Variants in SHISA6 observed in about 807,000 individuals in gnomAD.
SHISA6 encodes the protein shisa family member 6, also known as protein shisa-6.
SHISA6 carries 22 observed loss-of-function variants against 47.9 expected under a neutral mutation model. The ratio of observed to expected loss-of-function variants is 0.46; its 90% CI spans 0.33 to 0.66. SHISA6 has a LOEUF of 0.66. Ranked by LOEUF, SHISA6 falls within the 30% of genes least tolerant of loss-of-function variation. The pLI is 0.02. For synonymous variants in SHISA6, 388 were observed against 337.8 expected (o/e 1.15, Z -1.63); for missense variants, 680 against 764.6 (o/e 0.89, Z 1.30).
intron 3 of SHISA6, among the ~76,000 whole-genome samples, chr17:11,470,152 G>A (rs540936835): frequency 2.1e-3 from 322 of 152,280 alleles, no homozygotes; most frequent in African/African-American, 7.3e-3. Flanking sequence ...AGAACCGTGG[G>A]GGAATAAATA....
chr17:11,541,913 T>C (rs373690514), intron 3 of SHISA6, among the ~76,000 whole-genome samples: 16 of 152,138 alleles, frequency 1.1e-4, no homozygotes, highest in Non-Finnish European at 1.6e-4. Flanking sequence ...AGTAAGAAGG[T>C]TGGCAAATCC....
intron 2 of SHISA6, among the ~76,000 whole-genome samples, chr17:11,271,642 C>G (rs976592553): frequency 1.8e-5 from 2 of 112,290 alleles, no homozygotes; most frequent in African/African-American, 7.5e-5. Flanking sequence ...GTATTTTTAG[C>G]AGAGACGGGG....
chr17:11,319,294 G>T (rs1385621452), intron 2 of SHISA6, among the ~76,000 whole-genome samples: 1 of 152,106 alleles, frequency 6.6e-6, no homozygotes, highest in Non-Finnish European at 1.5e-5. Flanking sequence ...GGCCAGGCTA[G>T]TCTCGAACTC....
At chr17:11,243,156 T>C (rs73293703) in intron 1 of SHISA6, among the ~76,000 whole-genome samples, 2,701 of 151,666 alleles carry the variant, frequency 0.018, 73 homozygotes, top group African/African-American at 0.062. Flanking sequence ...CACTGACCCA[T>C]TCACCTTGAG....
intron 2 of SHISA6, among the ~76,000 whole-genome samples, chr17:11,277,867 A>G (rs754968106): frequency 9.2e-5 from 14 of 152,130 alleles, no homozygotes; most frequent in Non-Finnish European, 2.1e-4. Context: ...AGAAGATCAT[A>G]CCTCGTTTCT....
chr17:11,281,367 A>G (rs1909115520), intron 2 of SHISA6, among the ~76,000 whole-genome samples: 1 of 152,152 alleles, frequency 6.6e-6, no homozygotes, highest in South Asian at 2.1e-4. Context: ...AGGAGTGGAT[A>G]TTGGATTGGG....
intron 3 of SHISA6, among the ~76,000 whole-genome samples, chr17:11,491,999 GACC>G (rs974109612): frequency 7.2e-5 from 11 of 152,220 alleles, no homozygotes; most frequent in Middle Eastern, 3.4e-3. Flanking sequence ...TCGATCTCTT[GACC>G]TCATGATCCA....
chr17:11,536,178 C>T (rs781321096), intron 3 of SHISA6, among the ~76,000 whole-genome samples: 5 of 152,114 alleles, frequency 3.3e-5, no homozygotes, highest in Non-Finnish European at 7.3e-5. Flanking sequence ...AAGTTAAACA[C>T]AGACCTAGAT....
rs118039827 is a variant in SHISA6, at chr17:11,472,195, T to C, written c.896-79701T>C. On this transcript the variant is annotated intron_variant, in intron 3 of 5. Coordinates refer to ENST00000441885, the MANE Select transcript of SHISA6 (RefSeq NM_207386.4). The stretch of plus-strand genomic sequence containing the variant: ...TTGGAATCATATCAGTATGCAGTCT[T>C]TTCAGATTGTCTTCTTTTACTTGGT... Among the ~76,000 whole-genome samples, 445 of 152,276 alleles carry C rather than the reference T, an allele frequency of 2.9e-3. 1 individual carries two copies. Among genetic ancestry groups the C allele is most frequent in the Non-Finnish European group, 4.2e-3 (283 of 68,036 alleles).
At chr17:11,450,993 AT>A (rs1354232098) in intron 3 of SHISA6, among the ~76,000 whole-genome samples, 1 of 139,678 alleles carries the variant, frequency 7.2e-6, no homozygotes, top group African/African-American at 2.9e-5. Flanking sequence ...AAAATAGAAA[AT>A]TAAAAAAAAA....
chr17:11,458,985 C>G (rs1318835926), intron 3 of SHISA6, among the ~76,000 whole-genome samples: 1 of 151,954 alleles, frequency 6.6e-6, no homozygotes, highest in African/African-American at 2.4e-5. Flanking sequence ...GCAGGCGGAT[C>G]ATGAGGTCAG....
intron 3 of SHISA6, among the ~76,000 whole-genome samples, chr17:11,519,766 A>G (rs1427744159): frequency 6.6e-6 from 1 of 152,162 alleles, no homozygotes; most frequent in Non-Finnish European, 1.5e-5. Context: ...CCCCCACGCC[A>G]ACAAGCCTGC....
intron 2 of SHISA6, among the ~76,000 whole-genome samples, chr17:11,369,897 T>C (rs551330444): frequency 4.6e-5 from 7 of 152,280 alleles, no homozygotes; most frequent in African/African-American, 1.7e-4. Flanking sequence ...TTGCGTTGTT[T>C]TCTCAGACTG....
At chr17:11,359,141 A>G (rs1912180152) in intron 2 of SHISA6, among the ~76,000 whole-genome samples, 2 of 152,102 alleles carry the variant, frequency 1.3e-5, no homozygotes, top group Admixed American at 6.5e-5. Flanking sequence ...GCTTCTAAAA[A>G]TTTTTGTGAA....
chr17:11,480,645 C>T (rs559340722), intron 3 of SHISA6, among the ~76,000 whole-genome samples: 1 of 152,122 alleles, frequency 6.6e-6, no homozygotes, highest in East Asian at 1.9e-4. Context: ...CACATTGATA[C>T]CTACAAGACA....
rs1018370633 is a variant in SHISA6 at position 11,492,127 on chromosome 17, G to A, written c.896-59769G>A. Among the ~76,000 whole-genome samples the A allele has an allele frequency of 3.9e-5, 6 of 152,224 alleles. No individual in the cohort carries two copies. The South Asian group carries it at 6.2e-4, about 16-fold the overall frequency. On this transcript the variant is annotated intron_variant, in intron 3 of 5. Transcript: ENST00000441885. ...GTGAGCAGAGTCTTGGGTGGAATGC[G>A]GTGGGGGAGGAGTCTCCTGTTGGAT...
chr17:11,480,030 T>C (rs894217083), intron 3 of SHISA6, among the ~76,000 whole-genome samples: 1 of 152,176 alleles, frequency 6.6e-6, no homozygotes, highest in African/African-American at 2.4e-5. Flanking sequence ...TTATTTCTCC[T>C]TCACTTCTGA....
At chr17:11,432,413 A>G (rs1298828187) in intron 3 of SHISA6, among the ~76,000 whole-genome samples, 1 of 152,186 alleles carries the variant, frequency 6.6e-6, no homozygotes, top group Non-Finnish European at 1.5e-5. Context: ...TCCTATAAAG[A>G]AAGTCTGAAG....
Position 11,557,625 on chromosome 17 carries a change from G to A in SHISA6, c.1106-129G>A, listed in dbSNP as rs1159133230. The A allele has an allele frequency of 6.8e-6, 6 of 879,922 alleles. 1 individual carries two copies. The East Asian group carries it at 1.6e-4, about 24-fold the overall frequency. The allele number at this position is 879,922 out of a possible 1,614,324, so 54.5% of individuals were successfully genotyped here. On this transcript the variant is annotated intron_variant, in intron 5 of 5. Coordinates refer to ENST00000441885, the MANE Select transcript of SHISA6 (RefSeq NM_207386.4). The stretch of plus-strand genomic sequence containing the variant: ...CCGTCTGTCCTAATCCATAACTAAA[G>A]GAGTTTGACTGTATTATCCCTTAAG...
Sources: allele counts gnomAD v4.1 joint callset (sites outside exome capture counted in the v4.1 genomes callset), GRCh38; gene constraint gnomAD v4.1.1; transcripts MANE v1.5; gene names NCBI Gene and HGNC (gene_info 2026-07-23, HGNC 2026-07-21).